Variants in MAGI3 observed in about 807,000 individuals in gnomAD.
The protein encoded by MAGI3 is membrane associated guanylate kinase, WW and PDZ domain containing 3.
In MAGI3, 43 loss-of-function variants were observed where a neutral mutation model predicts 121.8. That is an observed-to-expected ratio of 0.35 (90% CI 0.28 to 0.46). The LOEUF is 0.46. Among genes scored for constraint, MAGI3 ranks in the 20% least tolerant of loss-of-function variants. The probability of loss-of-function intolerance (pLI) is 1.00; values close to 1 mark genes in which losing one functional copy is unlikely to be tolerated. For synonymous variants in MAGI3, 553 were observed against 639.3 expected (o/e 0.86, Z 2.04); for missense variants, 1,547 against 1,797.3 (o/e 0.86, Z 2.52).
intron 1 of MAGI3, among the ~76,000 whole-genome samples, chr1:113,461,937 A>G (rs1284100099): frequency 6.6e-6 from 1 of 152,226 alleles, no homozygotes; most frequent in East Asian, 1.9e-4. Flanking sequence ...AAAAGAAGAC[A>G]TACATGAGGC....
intron 19 of MAGI3, among the ~76,000 whole-genome samples, chr1:113,680,421 G>A (rs892495902): frequency 2.0e-5 from 3 of 152,100 alleles, no homozygotes; most frequent in African/African-American, 7.2e-5. Context: ...GTTTACTCAC[G>A]CATAAAAACC....
At chr1:113,680,482 G>C (rs1230654) in intron 19 of MAGI3, among the ~76,000 whole-genome samples, 1,855 of 152,250 alleles carry the variant, frequency 0.012, 48 homozygotes, top group African/African-American at 0.043. Flanking sequence ...ACAGGGCCGG[G>C]CGCGGTGGCT....
chr1:113,550,151 C>T (rs774680619), intron 2 of MAGI3, among the ~76,000 whole-genome samples: 125 of 150,272 alleles, frequency 8.3e-4, no homozygotes, highest in Non-Finnish European at 1.1e-3. Flanking sequence ...TGGCTCACAC[C>T]TGTAATCCCA....
At chr1:113,666,124 T>C (rs1654032465) in intron 16 of MAGI3, among the ~76,000 whole-genome samples, 1 of 152,138 alleles carries the variant, frequency 6.6e-6, no homozygotes, top group East Asian at 1.9e-4. Context: ...TGATGGAGGG[T>C]CTTGCCTCGA....
At chr1:113,569,346 T>C (rs1052647014) in intron 2 of MAGI3, among the ~76,000 whole-genome samples, 6 of 152,168 alleles carry the variant, frequency 3.9e-5, no homozygotes, top group African/African-American at 1.4e-4. Context: ...CACTTTCTTA[T>C]ACCCGTTTCT....
At chr1:113,629,670 A>C (rs562619668) in intron 9 of MAGI3, among the ~76,000 whole-genome samples, 7 of 152,176 alleles carry the variant, frequency 4.6e-5, no homozygotes, top group African/African-American at 1.4e-4. Context: ...ATCTGGATTA[A>C]TAGGCAGAGA....
At chr1:113,671,547 C>G (rs1375173199) in intron 16 of MAGI3, among the ~76,000 whole-genome samples, 187 bp from the exon 17 acceptor site, 1 of 152,144 alleles carries the variant, frequency 6.6e-6, no homozygotes, top group Non-Finnish European at 1.5e-5. Flanking sequence ...AAACGTTAAT[C>G]AAAAGCCACA....
At chr1:113,416,390 A>T (rs1652407981) in intron 1 of MAGI3, among the ~76,000 whole-genome samples, 1 of 110,388 alleles carries the variant, frequency 9.1e-6, no homozygotes, top group African/African-American at 3.6e-5. Context: ...AATAATATAT[A>T]TTAATTATTA....
At chr1:113,523,125 T>C (rs1383672315) in intron 1 of MAGI3, among the ~76,000 whole-genome samples, 1 of 152,230 alleles carries the variant, frequency 6.6e-6, no homozygotes, top group Non-Finnish European at 1.5e-5. Flanking sequence ...TTTTCTTTTC[T>C]GCCACCATGT....
chr1:113,415,391 C>G (rs1325831197), intron 1 of MAGI3, among the ~76,000 whole-genome samples: 4 of 152,008 alleles, frequency 2.6e-5, no homozygotes, highest in Admixed American at 6.6e-5. Flanking sequence ...GATAGAACAT[C>G]TAACACTAAT....
intron 1 of MAGI3, among the ~76,000 whole-genome samples, chr1:113,444,092 AT>A (rs1654050206): frequency 6.6e-6 from 1 of 152,184 alleles, no homozygotes; most frequent in South Asian, 2.1e-4. Context: ...AATTGTGGTT[AT>A]TTTTGGTCAG....
At chr1:113,682,586 T>A (rs1648286679) in intron 20 of MAGI3, 1 of 985,138 alleles carries the variant, frequency 1.0e-6, no homozygotes, top group Admixed American at 6.1e-5. Context: ...TTCAGCTTTA[T>A]AACTTGTAAG....
intron 1 of MAGI3, chr1:113,450,840 G>T (rs1654450767): frequency 3.0e-6 from 2 of 668,448 alleles, no homozygotes; most frequent in Non-Finnish European, 5.4e-6. Flanking sequence ...TAGAGGAACT[G>T]TAAAAATCTG....
intron 1 of MAGI3, among the ~76,000 whole-genome samples, chr1:113,416,465 A>AGAATTAGAAT (rs1570644789): frequency 9.0e-5 from 1 of 11,168 alleles, no homozygotes; most frequent in Non-Finnish European, 1.8e-4. Flanking sequence ...TTAATTATAT[A>AGAATTAGAAT]TAATTTATAA....
chr1:113,481,214 T>C (rs553529848), intron 1 of MAGI3, among the ~76,000 whole-genome samples: 1 of 152,340 alleles, frequency 6.6e-6, no homozygotes, highest in African/African-American at 2.4e-5. Flanking sequence ...GAATTATGCA[T>C]CTCAGCAAAG....
At chr1:113,661,104 T>C (rs977768524) in intron 16 of MAGI3, among the ~76,000 whole-genome samples, 1 of 152,212 alleles carries the variant, frequency 6.6e-6, no homozygotes, top group African/African-American at 2.4e-5. Context: ...ATATTTCTAA[T>C]CTTCACTTTT....
intron 1 of MAGI3, among the ~76,000 whole-genome samples, chr1:113,457,421 A>C (rs1654812881): frequency 6.6e-6 from 1 of 152,222 alleles, no homozygotes; most frequent in Non-Finnish European, 1.5e-5. Flanking sequence ...ATACGACAGT[A>C]ACAGGTTGAT....
chr1:113,427,308 T>A (rs1653060129), intron 1 of MAGI3, among the ~76,000 whole-genome samples: 1 of 152,206 alleles, frequency 6.6e-6, no homozygotes, highest in African/African-American at 2.4e-5. Context: ...AAGGAATCCC[T>A]CTTGCCAGTG....
chr1:113,409,696 G>A (rs1296555449), intron 1 of MAGI3, among the ~76,000 whole-genome samples: 1 of 151,946 alleles, frequency 6.6e-6, no homozygotes, highest in African/African-American at 2.4e-5. Context: ...TTACTTTTCT[G>A]TGTCTGCACA....
Sources: allele counts gnomAD v4.1 joint callset (sites outside exome capture counted in the v4.1 genomes callset), GRCh38; gene constraint gnomAD v4.1.1; transcripts MANE v1.5; gene names NCBI Gene and HGNC (gene_info 2026-07-23, HGNC 2026-07-21).